Variants in GPC6 observed in about 807,000 individuals in gnomAD.
The protein encoded by GPC6 is glypican 6, also known as glypican-6.
GPC6 carries 14 observed loss-of-function variants against 55.2 expected under a neutral mutation model. The observed-to-expected ratio is 0.25, with a 90% CI of 0.17 to 0.40. The LOEUF (loss-of-function observed/expected upper bound fraction) is 0.40. GPC6 is among the 10% of genes least tolerant of loss of function. The pLI, the probability that GPC6 is intolerant of heterozygous loss-of-function variation, is 1.00. For synonymous variants in GPC6, 278 were observed against 259.6 expected, an observed-to-expected ratio of 1.07 and a Z score of -0.68; for missense variants, 641 against 708.5, an observed-to-expected ratio of 0.90 and a Z score of 1.08.
intron 4 of GPC6, among the ~76,000 whole-genome samples, chr13:94,273,360 A>G (rs1182409443): frequency 6.6e-6 from 1 of 152,216 alleles, no homozygotes; most frequent in Admixed American, 6.5e-5. Flanking sequence ...GCAAGTTAAT[A>G]AAGAGGAAGG....
intron 4 of GPC6, among the ~76,000 whole-genome samples, chr13:94,283,540 G>T (rs1464896469): frequency 1.3e-5 from 2 of 152,210 alleles, no homozygotes; most frequent in Non-Finnish European, 2.9e-5. Flanking sequence ...GGGCACCTGT[G>T]GTGGAGCAGC....
rs755652633 is a variant in GPC6 at position 93,905,170 on chromosome 13, G to A, written c.711+74625G>A. Among the ~76,000 whole-genome samples, 87 of 150,378 alleles carry A rather than the reference G, an allele frequency of 5.8e-4. 2 individuals carry two copies. In the Admixed American group the frequency reaches 5.8e-3, roughly 10 times the overall value. On this transcript the variant is annotated intron_variant, in intron 3 of 8. Coordinates refer to ENST00000377047, the MANE Select transcript of GPC6 (RefSeq NM_005708.5). ...TGTTCATTTTAGAATAAGTAGGGAT[G>A]ATTATTTATTTAGAAACTGCATTGT...
chr13:93,314,782 G>T (rs1879192555), intron 1 of GPC6, among the ~76,000 whole-genome samples: 1 of 151,418 alleles, frequency 6.6e-6, no homozygotes, highest in African/African-American at 2.4e-5. Context: ...GAAATGAGGA[G>T]ATTGGTTATG....
chr13:94,148,899 G>A (rs900466338), intron 4 of GPC6, among the ~76,000 whole-genome samples: 1 of 152,086 alleles, frequency 6.6e-6, no homozygotes. Context: ...TATATTTAAT[G>A]TTTACTGTGT....
intron 2 of GPC6, among the ~76,000 whole-genome samples, chr13:93,764,426 A>G (rs1041287070): frequency 6.6e-6 from 1 of 152,140 alleles, no homozygotes; most frequent in African/African-American, 2.4e-5. Flanking sequence ...CAAACATTTT[A>G]TTTTAAACTT....
At chr13:94,215,701 G>T (rs1006510018) in intron 4 of GPC6, among the ~76,000 whole-genome samples, 2 of 151,996 alleles carry the variant, frequency 1.3e-5, no homozygotes, top group African/African-American at 4.8e-5. Flanking sequence ...TCATTACATT[G>T]AAGGGAAAAA....
chr13:93,787,881 A>G (rs1366486660), intron 2 of GPC6, among the ~76,000 whole-genome samples: 1 of 152,212 alleles, frequency 6.6e-6, no homozygotes, highest in Non-Finnish European at 1.5e-5. Context: ...AAACCAGGAC[A>G]GTCACTTGTC....
At chr13:94,132,873 C>T (rs913413134) in intron 4 of GPC6, among the ~76,000 whole-genome samples, 1 of 152,120 alleles carries the variant, frequency 6.6e-6, no homozygotes, top group Non-Finnish European at 1.5e-5. Flanking sequence ...CAGAGTTAGT[C>T]TAGCATTTAA....
intron 4 of GPC6, among the ~76,000 whole-genome samples, chr13:94,033,540 G>A (rs1883214330): frequency 6.6e-6 from 1 of 152,174 alleles, no homozygotes; most frequent in Admixed American, 6.5e-5. Flanking sequence ...TTTGTAAAAT[G>A]TACAGGACTG....
At chr13:93,954,966 C>T (rs377262463) in intron 3 of GPC6, among the ~76,000 whole-genome samples, 9 of 152,224 alleles carry the variant, frequency 5.9e-5, no homozygotes, top group Non-Finnish European at 8.8e-5. Flanking sequence ...CACTTTATTT[C>T]TCCATCTTGG....
chr13:93,306,688 T>A lies in GPC6; in HGVS notation c.160+79072T>A, dbSNP rs537439798. ...TGATATTTCAAAACAACTTAATTCA[T>A]TTAGGATTTAAAGAAAGCTAAATTT... is the stretch of plus-strand genomic sequence containing the variant. On this transcript the variant is annotated intron_variant, in intron 1 of 8. Coordinates refer to ENST00000377047, the MANE Select transcript of GPC6 (RefSeq NM_005708.5). 3.8e-3 allele frequency among the ~76,000 whole-genome samples: 578 copies of A among 152,180 alleles called. 5 individuals are homozygous for A. The highest frequency in any genetic ancestry group is 0.013 in the African/African-American group (552 of 41,552).
the GPC6 span, among the ~76,000 whole-genome samples, chr13:93,219,355 G>C: frequency 6.6e-6 from 1 of 152,136 alleles, no homozygotes; most frequent in Non-Finnish European, 1.5e-5. Context: ...GCCTCCCAAA[G>C]TGTTGGGATT....
In GPC6 at chr13:93,475,205, G is replaced by A. The variant is rs531479498; in HGVS notation, c.161-70058G>A. On this transcript the variant is annotated intron_variant, in intron 1 of 8. Coordinates refer to ENST00000377047, the MANE Select transcript of GPC6 (RefSeq NM_005708.5). ...AAACACACACAGCAACCACTATGAT[G>A]ATTGAAACATGTCAGAATGCAAAAG... 5.9e-5 allele frequency among the ~76,000 whole-genome samples: 9 copies of A among 152,176 alleles called. No homozygotes were observed. In the East Asian group the frequency reaches 1.7e-3, roughly 29 times the overall value.
intron 4 of GPC6, among the ~76,000 whole-genome samples, chr13:94,226,881 A>G (rs2139008224): frequency 6.6e-6 from 1 of 152,304 alleles, no homozygotes; most frequent in East Asian, 1.9e-4. Flanking sequence ...GTTCTGTGAA[A>G]ACAATGGCTT....
At chr13:94,187,749 TAAG>T (rs1889253254) in intron 4 of GPC6, 1 of 152,312 alleles carries the variant, frequency 6.6e-6, no homozygotes, top group Non-Finnish European at 1.5e-5. Context: ...AAAAATAAGA[TAAG>T]AAAACTTTAT....
chr13:93,390,586 G>A (rs926609090), intron 1 of GPC6, among the ~76,000 whole-genome samples: 2 of 152,066 alleles, frequency 1.3e-5, no homozygotes, highest in Admixed American at 1.3e-4. Flanking sequence ...GTAGCTCCAA[G>A]AACTTTAAAG....
intron 4 of GPC6, among the ~76,000 whole-genome samples, chr13:94,105,124 G>A (rs556010101): frequency 3.9e-5 from 6 of 152,252 alleles, no homozygotes; most frequent in African/African-American, 1.2e-4. Flanking sequence ...GGAGGCCGAG[G>A]CAAGAGGATC....
At chr13:93,662,212 A>G (rs531052083) in intron 2 of GPC6, among the ~76,000 whole-genome samples, 5 of 152,330 alleles carry the variant, frequency 3.3e-5, no homozygotes, top group African/African-American at 1.2e-4. Context: ...TCATAAATAC[A>G]TAAGGCATTT....
At chr13:93,681,375 T>C (rs1030772687) in intron 2 of GPC6, among the ~76,000 whole-genome samples, 3 of 152,168 alleles carry the variant, frequency 2.0e-5, no homozygotes, top group Admixed American at 6.5e-5. Flanking sequence ...AAAATACTTA[T>C]ATATTTACTG....
Sources: allele counts gnomAD v4.1 joint callset (sites outside exome capture counted in the v4.1 genomes callset), GRCh38; gene constraint gnomAD v4.1.1; transcripts MANE v1.5; gene names NCBI Gene and HGNC (gene_info 2026-07-23, HGNC 2026-07-21).